ODF2: variants seen among roughly 807,000 people sequenced by gnomAD.
ODF2 encodes the protein outer dense fiber of sperm tails 2.
In ODF2, 47 loss-of-function variants were observed where a neutral mutation model predicts 110.2. The observed-to-expected ratio is 0.43, with a 90% CI of 0.34 to 0.54. ODF2 has a LOEUF of 0.54. Ranked by LOEUF, ODF2 falls within the 20% of genes least tolerant of loss-of-function variation. ODF2 has a pLI of 0.03. For missense variants in ODF2, 812 were observed against 1,054.5 expected, an observed-to-expected ratio of 0.77 and a Z score of 3.19; for synonymous variants, 352 against 397.7, an observed-to-expected ratio of 0.89 and a Z score of 1.37.
At chr9:128,487,535 C>T (rs1843610441) in intron 13 of ODF2, among the ~76,000 whole-genome samples, 1 of 152,052 alleles carries the variant, frequency 6.6e-6, no homozygotes, top group African/African-American at 2.4e-5. Context: ...CACCTGTAAT[C>T]CCAGCATTTT....
intron 18 of ODF2, chr9:128,497,687 C>G (rs1845907857): frequency 1.3e-5 from 2 of 151,780 alleles, no homozygotes; most frequent in Non-Finnish European, 2.9e-5. Flanking sequence ...CTGGTCCCAG[C>G]CTTAGTTTCA....
At chr9:128,457,414 C>T (rs754998498) in exon 2 of ODF2, 3 of 1,612,968 alleles carry the variant, frequency 1.9e-6, no homozygotes, top group Non-Finnish European at 1.7e-6. Context: ...CCATGTCTGC[C>T]TCATCCTCAG....
intron 2 of ODF2, among the ~76,000 whole-genome samples, chr9:128,458,775 A>C (rs1412737303): frequency 6.6e-6 from 1 of 152,004 alleles, no homozygotes; most frequent in African/African-American, 2.4e-5. Flanking sequence ...TTTGAGCCTT[A>C]ATTTGATGAG....
intron 4 of ODF2, among the ~76,000 whole-genome samples, chr9:128,464,510 G>GT (rs1290421885): frequency 6.6e-6 from 1 of 150,910 alleles, no homozygotes; most frequent in Non-Finnish European, 1.5e-5. Context: ...TTTTGTTTTT[G>GT]TTTTTTTGAG....
rs567644536 is a variant in ODF2 at position 128,481,810 on chromosome 9, C to T, written c.915+159C>T. ...AAAATGGGCTGATGTCCTCCTGTCACGCTTGTTCTGATAGGCTTGTCTAGT... is the reference window on the plus strand; with the variant it reads ...AAAATGGGCTGATGTCCTCCTGTCATGCTTGTTCTGATAGGCTTGTCTAGT... On this transcript the variant is annotated intron_variant, in intron 9 of 20. Transcript: ENST00000604420. 9.9e-5 allele frequency among the ~76,000 whole-genome samples: 15 copies of T among 152,010 alleles called. No individual in the cohort carries two copies. In the South Asian group the frequency reaches 2.5e-3, roughly 25 times the overall value.
At chr9:128,465,313 G>A (rs910910917) in intron 4 of ODF2, among the ~76,000 whole-genome samples, 1 of 152,206 alleles carries the variant, frequency 6.6e-6, no homozygotes, top group African/African-American at 2.4e-5. Context: ...GGAGGTGGAA[G>A]TTTGAGGAAG....
chr9:128,456,993 G>C lies in ODF2; in HGVS notation c.-208-205G>C. 3 of 1,250,266 alleles carry C rather than the reference G, an allele frequency of 2.4e-6. No individual in the cohort carries two copies. In the South Asian group the frequency reaches 4.7e-5, roughly 20 times the overall value. The allele number at this position is 1,250,266 out of a possible 1,614,324, so 77.4% of individuals were successfully genotyped here. ...CTCCCTGCGCGGTTCTGGCCCTCTG[G>C]GGCCCACTTGGGGCCGAGCGGTTCT... On this transcript the variant is annotated intron_variant, in intron 1 of 20. Coordinates refer to ENST00000604420, the Ensembl canonical transcript of ODF2.
chr9:128,472,207 G>A (rs1840196738), intron 6 of ODF2, among the ~76,000 whole-genome samples: 1 of 152,094 alleles, frequency 6.6e-6, no homozygotes, highest in Non-Finnish European at 1.5e-5. Flanking sequence ...TTGATCCTGG[G>A]AGGCATCTCA....
At chr9:128,478,574 G>C (rs1455263281) in intron 8 of ODF2, among the ~76,000 whole-genome samples, 1 of 151,912 alleles carries the variant, frequency 6.6e-6, no homozygotes, top group Admixed American at 6.6e-5. Flanking sequence ...CTCCAGCCTG[G>C]GTGACAGAGT....
intron 14 of ODF2, among the ~76,000 whole-genome samples, chr9:128,490,773 G>T (rs1319458021): frequency 6.6e-6 from 1 of 152,058 alleles, no homozygotes; most frequent in Admixed American, 6.6e-5. Flanking sequence ...TTGCTTTTCT[G>T]ATTTAACTAT....
At chr9:128,493,631 C>T (rs771048744) in intron 16 of ODF2, among the ~76,000 whole-genome samples, 36 of 152,128 alleles carry the variant, frequency 2.4e-4, no homozygotes, top group Admixed American at 7.2e-4. Context: ...AGTCCAGGCT[C>T]AGCCACTAAT....
intron 1 of ODF2, chr9:128,456,543 CTA>C (rs1245390826): frequency 6.5e-7 from 1 of 1,527,690 alleles, no homozygotes; most frequent in Admixed American, 2.0e-5. Context: ...ACCTTTCTCT[CTA>C]TGGGCAGAAA....
intron 1 of ODF2, chr9:128,457,073 G>A (rs1057193603): frequency 6.6e-5 from 88 of 1,328,500 alleles, no homozygotes; most frequent in Middle Eastern, 2.3e-4. Context: ...GGTAGCCACC[G>A]GCAGTCCTCC....
Position 128,472,089 on chromosome 9 carries a change from G to A in ODF2, c.581+621G>A, listed in dbSNP as rs150655476. Among the ~76,000 whole-genome samples the A allele has an allele frequency of 5.6e-3, 853 of 152,252 alleles. 7 individuals carry two copies. Among genetic ancestry groups the A allele is most frequent in the Non-Finnish European group, 8.7e-3 (593 of 68,026 alleles). On this transcript the variant is annotated intron_variant, in intron 6 of 20. Transcript: ENST00000604420. ...AGGTCAGGAGTTCGAGACCAGCCTGGCCAACATGGTGAAACCCTGTCTCTA... is the reference window on the plus strand; with the variant it reads ...AGGTCAGGAGTTCGAGACCAGCCTGACCAACATGGTGAAACCCTGTCTCTA...
At chr9:128,468,773 C>T (rs1838961853) in intron 4 of ODF2, among the ~76,000 whole-genome samples, 1 of 152,158 alleles carries the variant, frequency 6.6e-6, no homozygotes, top group Admixed American at 6.6e-5. Flanking sequence ...CCACCCGCCT[C>T]AGCCTCCCAA....
chr9:128,459,139 G>C (rs1188731629), intron 2 of ODF2, among the ~76,000 whole-genome samples: 1 of 152,142 alleles, frequency 6.6e-6, no homozygotes, highest in Non-Finnish European at 1.5e-5. Context: ...GACATGGCTT[G>C]TGGCCACTAA....
chr9:128,460,037 C>G lies in ODF2; in HGVS notation c.123+380C>G, dbSNP rs879486802. On this transcript the variant is annotated intron_variant, in intron 3 of 20. Coordinates refer to ENST00000604420, the Ensembl canonical transcript of ODF2. ...CATGTTTTCTTTAGAATCTAGACAG[C>G]CTTCTCATCCTTAGGATTTCCTTCA... 5.0e-6 allele frequency: 4 copies of G among 797,402 alleles called. No homozygotes were observed. The Admixed American group carries it at 7.1e-5, about 14-fold the overall frequency. 49.4% of individuals were successfully genotyped at this position (797,402 alleles called of 1,614,324 possible).
At chr9:128,479,377 C>T (rs887848248) in intron 8 of ODF2, among the ~76,000 whole-genome samples, 1 of 152,066 alleles carries the variant, frequency 6.6e-6, no homozygotes, top group Non-Finnish European at 1.5e-5. Context: ...AAGAGGAGAC[C>T]CAAATGGCTC....
At chr9:128,456,071 C>A (rs540003706), upstream of ODF2, 31 of 1,518,464 alleles carry the variant, frequency 2.0e-5, no homozygotes, top group African/African-American at 4.2e-4. Flanking sequence ...AAGCGGCTCC[C>A]GGGGGGGTTT....
Sources: allele counts gnomAD v4.1 joint callset (sites outside exome capture counted in the v4.1 genomes callset), GRCh38; gene constraint gnomAD v4.1.1; transcripts MANE v1.5; gene names NCBI Gene and HGNC (gene_info 2026-07-23, HGNC 2026-07-21).